The following ERC1 variants were observed in gnomAD, a reference collection of about 807,000 sequenced individuals.
ERC1 encodes the protein ELKS/RAB6-interacting/CAST family member 1.
Under a neutral mutation model 132.0 loss-of-function variants are expected in ERC1, and 56 were observed. The observed-to-expected ratio is 0.42, with a 90% CI of 0.34 to 0.53. The LOEUF is 0.53. Among genes scored for constraint, ERC1 ranks in the 20% least tolerant of loss-of-function variants. The pLI is 0.03. For missense variants in ERC1, 1,202 were observed against 1,349.9 expected (o/e 0.89, Z 1.72); for synonymous variants, 478 against 476.1 (o/e 1.00, Z -0.05).
intron 18 of ERC1, among the ~76,000 whole-genome samples, chr12:1,469,547 G>A (rs77321508): frequency 6.6e-6 from 1 of 152,244 alleles, no homozygotes; most frequent in Non-Finnish European, 1.5e-5. Context: ...CTCCGTGTGG[G>A]AATAAACTGT....
At chr12:1,034,995 C>T (rs1411021881) in intron 2 of ERC1, among the ~76,000 whole-genome samples, 1 of 152,174 alleles carries the variant, frequency 6.6e-6, no homozygotes, top group African/African-American at 2.4e-5. Flanking sequence ...GCGATGCATT[C>T]TCCGTATACC....
intron 17 of ERC1, among the ~76,000 whole-genome samples, chr12:1,435,385 G>A (rs139881108): frequency 6.6e-6 from 1 of 152,160 alleles, no homozygotes; most frequent in Non-Finnish European, 1.5e-5. Flanking sequence ...AAAGCTGCTA[G>A]GGTCGGGGAG....
At chr12:1,160,677 C>T (rs924568581) in intron 8 of ERC1, among the ~76,000 whole-genome samples, 1 of 152,182 alleles carries the variant, frequency 6.6e-6, no homozygotes, top group Non-Finnish European at 1.5e-5. Flanking sequence ...CACCACTGCA[C>T]TCCAGCCTGG....
At chr12:1,251,251 A>G (rs1363098266) in intron 13 of ERC1, among the ~76,000 whole-genome samples, 2 of 152,144 alleles carry the variant, frequency 1.3e-5, no homozygotes, top group Non-Finnish European at 2.9e-5. Context: ...TAGAAATAGT[A>G]TGTGATTTGT....
At chr12:1,154,718 A>G (rs1033969247) in intron 8 of ERC1, among the ~76,000 whole-genome samples, 1 of 152,156 alleles carries the variant, frequency 6.6e-6, no homozygotes, top group South Asian at 2.1e-4. Flanking sequence ...AACAAGAAAA[A>G]AAAATAATCC....
chr12:1,456,781 A>T (rs769645940), intron 18 of ERC1, among the ~76,000 whole-genome samples: 24 of 152,012 alleles, frequency 1.6e-4, no homozygotes, highest in Non-Finnish European at 3.1e-4. Context: ...CTGGAGCTGT[A>T]CTTCTCAAAG....
chr12:1,220,424 A>C (rs561271779), intron 12 of ERC1, among the ~76,000 whole-genome samples: 1 of 152,242 alleles, frequency 6.6e-6, no homozygotes. Context: ...TTTCTGAAAA[A>C]GTTGACAGTT....
intron 15 of ERC1, among the ~76,000 whole-genome samples, chr12:1,308,801 T>A (rs2081071365): frequency 6.6e-6 from 1 of 152,236 alleles, no homozygotes; most frequent in Non-Finnish European, 1.5e-5. Context: ...AGAACTGTGC[T>A]GTGCTTTTAG....
At chr12:1,424,858 A>AGCTAGCTAGC (rs1565411478) in intron 17 of ERC1, among the ~76,000 whole-genome samples, 3 of 118,830 alleles carry the variant, frequency 2.5e-5, no homozygotes, top group African/African-American at 7.8e-5. Context: ...AGATAGATAG[A>AGCTAGCTAGC]TAGATCGATA....
At chr12:1,404,048 GTCTTAGTCCAT>G (rs2091284257) in intron 16 of ERC1, among the ~76,000 whole-genome samples, 1 of 152,150 alleles carries the variant, frequency 6.6e-6, no homozygotes. Context: ...TTTCAAGATT[GTCTTAGTCCAT>G]TCAGACTGCT....
intron 18 of ERC1, among the ~76,000 whole-genome samples, chr12:1,450,765 G>A (rs527288448): frequency 6.6e-6 from 1 of 152,238 alleles, no homozygotes; most frequent in South Asian, 2.1e-4. Context: ...TCCCACCAGC[G>A]GTACACAAGC....
chr12:1,058,985 A>G (rs1458624991), intron 2 of ERC1, among the ~76,000 whole-genome samples: 1 of 151,606 alleles, frequency 6.6e-6, no homozygotes, highest in Non-Finnish European at 1.5e-5. Context: ...ATGTCTTTCC[A>G]ATTTTTTTTG....
At chr12:1,368,177 G>C (rs1009732938) in intron 15 of ERC1, among the ~76,000 whole-genome samples, 5 of 151,812 alleles carry the variant, frequency 3.3e-5, no homozygotes, top group African/African-American at 1.2e-4. Flanking sequence ...TCTTTAGTTC[G>C]TAAAGCTCTT....
intron 4 of ERC1, among the ~76,000 whole-genome samples, chr12:1,109,136 G>A (rs16928161): frequency 0.046 from 6,950 of 152,244 alleles, 222 homozygotes; most frequent in African/African-American, 0.088. Flanking sequence ...CCATGTAGGA[G>A]TCTTTCTGTA....
chr12:1,195,893 T>C (rs1956186613), intron 12 of ERC1, among the ~76,000 whole-genome samples: 1 of 138,272 alleles, frequency 7.2e-6, no homozygotes, highest in Non-Finnish European at 1.6e-5. Context: ...CCCCCTTTTT[T>C]TGTAATGGAA....
intron 18 of ERC1, among the ~76,000 whole-genome samples, chr12:1,471,212 G>A (rs2093853614): frequency 6.6e-6 from 1 of 152,158 alleles, no homozygotes; most frequent in Non-Finnish European, 1.5e-5. Context: ...ATCGTTTAAG[G>A]CCAAGAGTTC....
chr12:1,408,362 G>T (rs1411056380), intron 17 of ERC1, 115 bp downstream of exon 17: 2 of 651,264 alleles, frequency 3.1e-6, no homozygotes, highest in Non-Finnish European at 5.1e-6. Context: ...AAAATAAATA[G>T]CTAATTCAGT....
chr12:1,478,640 A>T lies in ERC1; in HGVS notation c.3214-11453A>T, dbSNP rs191955547. Among the ~76,000 whole-genome samples, 5 of 152,262 alleles carry T rather than the reference A, an allele frequency of 3.3e-5. No homozygotes were observed. The East Asian group carries it at 9.7e-4, about 29-fold the overall frequency. ...AACCCCGTCTCTACTAAAAATACAA[A>T]AAACTAGCCGGGCGTGGTGGCGAGC... On this transcript the variant is annotated intron_variant, in intron 18 of 18. Transcript: ENST00000360905.
intron 15 of ERC1, among the ~76,000 whole-genome samples, chr12:1,371,609 A>C (rs1383832438): frequency 7.3e-6 from 1 of 136,862 alleles, no homozygotes; most frequent in Admixed American, 7.0e-5. Context: ...AATTGTTGGA[A>C]GGGGTGAATG....
Sources: gnomAD v4.1 joint callset for allele counts (sites outside exome capture counted in the v4.1 genomes callset) on GRCh38, gnomAD v4.1.1 for gene constraint, MANE v1.5 for transcripts, NCBI Gene and HGNC (gene_info 2026-07-23, HGNC 2026-07-21) for gene names.